Variants in SGCZ observed in about 807,000 individuals in gnomAD.
SGCZ encodes the protein zeta-sarcoglycan.
In SGCZ, 40 loss-of-function variants were observed where a neutral mutation model predicts 41.3. The ratio of observed to expected loss-of-function variants is 0.97; its 90% CI spans 0.75 to 1.26. The LOEUF is 1.26. Ranked by LOEUF, SGCZ falls within the 50% of genes most tolerant of loss-of-function variation. SGCZ has a pLI of 0.00. For synonymous variants in SGCZ, 206 were observed against 137.5 expected (o/e 1.50, Z -3.49); for missense variants, 552 against 369.8 (o/e 1.49, Z -4.04).
intron 1 of SGCZ, among the ~76,000 whole-genome samples, chr8:14,564,606 A>C (rs1036278447): frequency 6.6e-6 from 1 of 152,216 alleles, no homozygotes; most frequent in Non-Finnish European, 1.5e-5. Context: ...TTTAAAATGT[A>C]TCGTCTACCC....
At chr8:14,328,719 T>C (rs1802210680) in intron 2 of SGCZ, among the ~76,000 whole-genome samples, 1 of 152,200 alleles carries the variant, frequency 6.6e-6, no homozygotes, top group South Asian at 2.1e-4. Flanking sequence ...ATTGCTATGG[T>C]TCAAATGTGT....
chr8:14,704,454 TTTC>T (rs1307044806), intron 1 of SGCZ, among the ~76,000 whole-genome samples: 1 of 152,018 alleles, frequency 6.6e-6, no homozygotes, highest in Admixed American at 6.6e-5. Flanking sequence ...AGGCAATATT[TTTC>T]TTTCTTGTCA....
intron 1 of SGCZ, among the ~76,000 whole-genome samples, chr8:15,139,198 C>T (rs1306189833): frequency 6.6e-6 from 1 of 152,190 alleles, no homozygotes. Context: ...AACCAAATTT[C>T]CCTAATACAA....
intron 5 of SGCZ, among the ~76,000 whole-genome samples, chr8:14,123,328 G>C (rs1802757052): frequency 6.6e-6 from 1 of 151,532 alleles, no homozygotes; most frequent in South Asian, 2.1e-4. Flanking sequence ...AAACTTAAAA[G>C]AAGCCATGCA....
In SGCZ at chr8:14,313,908, CTCTGTGTG is replaced by C. The variant is rs1289537778; in HGVS notation, c.336+10187_336+10194del. ...ACAAAAGTATAGGGTTATATCATCT[CTCTGTGTG>C]TGTGTGTGTGTGTGTGTGTGTGTGT... On this transcript the variant is annotated intron_variant, in intron 3 of 7. Transcript: ENST00000382080. 2.9e-4 allele frequency among the ~76,000 whole-genome samples: 26 copies of C among 88,826 alleles called. No individual in the cohort carries two copies. In the South Asian group the frequency reaches 3.4e-3, roughly 12 times the overall value. 58.3% of individuals were successfully genotyped at this position (88,826 alleles called of 152,430 possible).
At chr8:14,172,603 C>A (rs557920086) in intron 4 of SGCZ, among the ~76,000 whole-genome samples, 1 of 151,944 alleles carries the variant, frequency 6.6e-6, no homozygotes, top group African/African-American at 2.4e-5. Context: ...AGATATTAGA[C>A]AAAAGACAAC....
rs768398944 is a variant in SGCZ, at chr8:15,191,378, A to G, written c.39+46207T>C. 3.0e-4 allele frequency among the ~76,000 whole-genome samples: 45 copies of G among 152,106 alleles called. 1 individual carries two copies. Among genetic ancestry groups the G allele is most frequent in the Non-Finnish European group, 5.9e-5 (4 of 67,994 alleles). On this transcript the variant is annotated intron_variant, in intron 1 of 7. Coordinates refer to ENST00000382080, the MANE Select transcript of SGCZ (RefSeq NM_139167.4). The stretch of plus-strand genomic sequence containing the variant: ...CAGGTAAACTTGTAACAAATGATGT[A>G]GAAAATATATTTGACCAAGTTGAAT...
At chr8:14,472,407 G>C (rs1387224759) in intron 2 of SGCZ, among the ~76,000 whole-genome samples, 2 of 151,972 alleles carry the variant, frequency 1.3e-5, no homozygotes, top group Non-Finnish European at 2.9e-5. Context: ...CCATACCATT[G>C]TCTTTGAGTC....
chr8:15,160,812 G>T (rs1283479584), intron 1 of SGCZ, among the ~76,000 whole-genome samples: 1 of 152,126 alleles, frequency 6.6e-6, no homozygotes, highest in Non-Finnish European at 1.5e-5. Context: ...AGGCCAAAAG[G>T]CACATGCCAC....
chr8:14,926,076 A>G (rs1247181082), intron 1 of SGCZ, among the ~76,000 whole-genome samples: 1 of 152,254 alleles, frequency 6.6e-6, no homozygotes, highest in Admixed American at 6.5e-5. Flanking sequence ...AAGATAAATC[A>G]GGATTAATGT....
intron 2 of SGCZ, 128 bp from the exon 3 acceptor site, chr8:14,324,332 T>G: frequency 1.4e-6 from 1 of 693,052 alleles, no homozygotes; most frequent in South Asian, 1.6e-5. Context: ...AAATGAGAGA[T>G]TGAATCTACT....
intron 1 of SGCZ, among the ~76,000 whole-genome samples, chr8:15,075,084 G>A (rs1205753629): frequency 2.0e-5 from 3 of 152,048 alleles, no homozygotes; most frequent in Admixed American, 1.3e-4. Context: ...TATTCTTTTG[G>A]TTCAGCTACT....
intron 1 of SGCZ, among the ~76,000 whole-genome samples, chr8:15,152,176 C>A (rs560303270): frequency 1.3e-5 from 2 of 152,266 alleles, no homozygotes; most frequent in East Asian, 3.9e-4. Flanking sequence ...ATAAAGATGT[C>A]AAGCTGTTAG....
intron 1 of SGCZ, among the ~76,000 whole-genome samples, chr8:14,857,350 T>C (rs778319391): frequency 6.6e-6 from 1 of 152,112 alleles, no homozygotes; most frequent in Non-Finnish European, 1.5e-5. Flanking sequence ...ACGAATACAC[T>C]AGATAATGAG....
At chr8:14,162,166 A>G (rs1469721835) in intron 5 of SGCZ, among the ~76,000 whole-genome samples, 1 of 152,168 alleles carries the variant, frequency 6.6e-6, no homozygotes, top group Non-Finnish European at 1.5e-5. Context: ...CGCTGGAACA[A>G]TTATGAGACA....
At chr8:15,216,406 G>C (rs1199006301) in intron 1 of SGCZ, among the ~76,000 whole-genome samples, 4 of 151,784 alleles carry the variant, frequency 2.6e-5, no homozygotes, top group African/African-American at 9.7e-5. Flanking sequence ...ATTTTTAGTA[G>C]AGACGGAGTT....
At chr8:14,546,479 T>C (rs938440377) in intron 2 of SGCZ, among the ~76,000 whole-genome samples, 42 of 152,286 alleles carry the variant, frequency 2.8e-4, no homozygotes, top group African/African-American at 8.4e-4. Context: ...TTGTTTCTTT[T>C]ATAAAGGTGC....
At chr8:14,728,137 A>G (rs1263840057) in intron 1 of SGCZ, among the ~76,000 whole-genome samples, 2 of 152,218 alleles carry the variant, frequency 1.3e-5, no homozygotes, top group Non-Finnish European at 2.9e-5. Flanking sequence ...GGTGATAAAT[A>G]TGTTCGAAAC....
In SGCZ at chr8:14,761,632, G is replaced by A. The variant is rs930026100; in HGVS notation, c.40-206706C>T. Among the ~76,000 whole-genome samples, 6 of 150,644 alleles carry A rather than the reference G, an allele frequency of 4.0e-5. No homozygotes were observed. The East Asian group carries it at 5.9e-4, about 15-fold the overall frequency. On this transcript the variant is annotated intron_variant, in intron 1 of 7. Transcript: ENST00000382080. ...CCTCCTCCTCTTACCTCCCGGATTC[G>A]AACAATTCAGCTTCAGGAGATTAGC... is the stretch of plus-strand genomic sequence containing the variant.
Sources: allele counts gnomAD v4.1 joint callset (sites outside exome capture counted in the v4.1 genomes callset), GRCh38; gene constraint gnomAD v4.1.1; transcripts MANE v1.5; gene names NCBI Gene and HGNC (gene_info 2026-07-23, HGNC 2026-07-21).